Variants in RAI1 observed in about 807,000 individuals in gnomAD.
RAI1 encodes retinoic acid induced 1, also known as retinoic acid-induced protein 1.
A neutral mutation model predicts 123.8 loss-of-function variants in RAI1; 9 were observed. That is an observed-to-expected ratio of 0.07 (90% CI 0.04 to 0.13). The LOEUF is 0.13. Ranked by LOEUF, RAI1 falls within the 10% of genes least tolerant of loss-of-function variation. RAI1 has a pLI of 1.00. For missense variants in RAI1, 2,256 were observed against 2,545.8 expected, an observed-to-expected ratio of 0.89 and a Z score of 2.45; for synonymous variants, 1,231 against 1,127.3, an observed-to-expected ratio of 1.09 and a Z score of -1.84.
chr17:17,721,708 A>G (rs62064082), intron 1 of RAI1, among the ~76,000 whole-genome samples: 23,014 of 152,200 alleles, frequency 0.15, 1,921 homozygotes, highest in East Asian at 0.32. Flanking sequence ...GGTATACACA[A>G]TGCGCATCTC....
rs560444397 is a variant in RAI1, at chr17:17,793,546, C to G, written c.598C>G (p.Pro200Ala). 6.2e-7 allele frequency: 1 copy of G among 1,613,880 alleles called. No individual in the cohort carries two copies. Among genetic ancestry groups the G allele is most frequent in the Admixed American group, 1.7e-5 (1 of 60,010 alleles). ...RQKLQNDIAS[P>A]LPFPQGTHFP... ...GAAGCTGCAGAACGACATTGCCTCC[C>G]CTCTGCCCTTCCCCCAGGGTACCCA... The change falls in exon 3 of 6, where the codon CCT (proline) becomes GCT (alanine). Residue 200 changes from proline to alanine, a missense_variant. By Grantham distance (27) the Pro-to-Ala change is conservative. Around this residue, in one of 7 missense-constraint regions of RAI1, gnomAD observed 336 missense variants for 349.8 expected, o/e 0.96. Transcript: ENST00000353383.
At chr17:17,742,316 A>T (rs1172898732) in intron 2 of RAI1, among the ~76,000 whole-genome samples, 1 of 152,252 alleles carries the variant, frequency 6.6e-6, no homozygotes, top group Non-Finnish European at 1.5e-5. Flanking sequence ...CCCAAGACTC[A>T]CAATAGACAC....
rs2032683353 is a variant in RAI1, at chr17:17,809,807, T to C, written c.5710-163T>C. 6.8e-6 allele frequency among the ~76,000 whole-genome samples: 1 copy of C among 147,828 alleles called. No individual in the cohort carries two copies. The highest frequency in any genetic ancestry group is 1.5e-5 in the Non-Finnish European group (1 of 66,678). On this transcript the variant is annotated intron_variant, in intron 5 of 5. Transcript: ENST00000353383. This position sits in a 1 kb window ranked among gnomAD's most constrained non-coding sequence, Gnocchi z 4.9. ...AAGGTGAAGGTGAAGCTGGACGGGG[T>C]GGGGCCAGAAGGGGTGGTGCCGACG... is the stretch of plus-strand genomic sequence containing the variant.
chr17:17,805,744 A>G (rs1273301424), intron 4 of RAI1, among the ~76,000 whole-genome samples: 2 of 152,122 alleles, frequency 1.3e-5, no homozygotes, highest in East Asian at 3.9e-4. Context: ...GAGGATTCTC[A>G]CTGGCTTCAC....
intron 1 of RAI1, among the ~76,000 whole-genome samples, chr17:17,692,440 A>G: frequency 6.6e-6 from 1 of 152,224 alleles, no homozygotes; most frequent in East Asian, 1.9e-4. Flanking sequence ...GCTAAGTCTT[A>G]TTAACTGCCC....
intron 2 of RAI1, among the ~76,000 whole-genome samples, chr17:17,733,543 A>G (rs553588179): frequency 6.6e-6 from 1 of 152,104 alleles, no homozygotes; most frequent in East Asian, 1.9e-4. Context: ...GGGTGCTTTT[A>G]TTCTCATTTT....
chr17:17,782,934 CGCCGCCGCGTCCCCGCG>C (rs1386099117), intron 2 of RAI1, among the ~76,000 whole-genome samples: 1 of 152,208 alleles, frequency 6.6e-6, no homozygotes, highest in Admixed American at 6.5e-5. Context: ...CGCCCCTTGC[CGCCGCCGCGTCCCCGCG>C]GCAGCCCCGG....
chr17:17,780,713 G>A (rs914673384), intron 2 of RAI1, among the ~76,000 whole-genome samples: 1 of 152,060 alleles, frequency 6.6e-6, no homozygotes, highest in Non-Finnish European at 1.5e-5. Flanking sequence ...AGCCTTTGAG[G>A]GTGCTGCAGT....
intron 1 of RAI1, among the ~76,000 whole-genome samples, chr17:17,687,820 A>G (rs918993821): frequency 6.6e-6 from 1 of 151,886 alleles, no homozygotes; most frequent in Non-Finnish European, 1.5e-5. Flanking sequence ...ACTTGAGGTC[A>G]GGAGTTTGAG....
intron 2 of RAI1, among the ~76,000 whole-genome samples, chr17:17,754,852 G>A (rs72836896): frequency 3.9e-5 from 6 of 152,336 alleles, no homozygotes; most frequent in Admixed American, 6.5e-5. Flanking sequence ...CATAGTAGGT[G>A]CTTGGTAAGC....
chr17:17,763,049 T>TG (rs1179392450), intron 2 of RAI1, among the ~76,000 whole-genome samples: 1 of 109,796 alleles, frequency 9.1e-6, no homozygotes, highest in Non-Finnish European at 2.3e-5. Context: ...GAGGCTTTTC[T>TG]GGAAAAAAAA....
intron 2 of RAI1, among the ~76,000 whole-genome samples, chr17:17,792,316 CGTGT>C (rs141444364): frequency 5.3e-5 from 8 of 150,944 alleles, no homozygotes; most frequent in Admixed American, 1.3e-4. Context: ...TGTGTGCATG[CGTGT>C]GTGTGTGTGT....
intron 1 of RAI1, among the ~76,000 whole-genome samples, chr17:17,720,349 C>A (rs1488497683): frequency 6.6e-6 from 1 of 152,186 alleles, no homozygotes; most frequent in Non-Finnish European, 1.5e-5. Context: ...AGCACCCCTA[C>A]CATCCCAGCG....
chr17:17,687,539 C>T (rs1363212486), intron 1 of RAI1, among the ~76,000 whole-genome samples: 5 of 152,018 alleles, frequency 3.3e-5, no homozygotes, highest in East Asian at 3.9e-4. Context: ...AGCTTGGGTT[C>T]GCCTCCTAGA....
intron 2 of RAI1, among the ~76,000 whole-genome samples, chr17:17,754,368 C>A (rs1259146115): frequency 2.6e-5 from 4 of 152,082 alleles, no homozygotes; most frequent in Non-Finnish European, 4.4e-5. Context: ...TCCCGAGTAG[C>A]TGGGATTACA....
At chr17:17,698,560 A>T (rs1294296788) in intron 1 of RAI1, among the ~76,000 whole-genome samples, 1 of 152,220 alleles carries the variant, frequency 6.6e-6, no homozygotes, top group African/African-American at 2.4e-5. Flanking sequence ...CCTGGGGCAG[A>T]TACCTTTGCA....
rs776159545 is a variant in RAI1, at chr17:17,798,384, G to A, written c.5436G>A (p.Pro1812=). ...AACATGAGTGCAGCAAGGAGGCTCC[G>A]GCAGAGCCCGGCGGGGAGGCCCAGG... ...GRKHECSKEA[P]AEPGGEAQEH... is the part of the protein sequence containing the mutation. Residue 1812 remains proline, a synonymous_variant, in exon 3 of 6, where the codon CCG becomes CCA. Coordinates refer to ENST00000353383, the MANE Select transcript of RAI1 (RefSeq NM_030665.4). 64 of 1,609,554 alleles carry A rather than the reference G, an allele frequency of 4.0e-5. No homozygotes were observed. Among genetic ancestry groups the A allele is most frequent in the East Asian group, 6.7e-5 (3 of 44,790 alleles).
intron 1 of RAI1, among the ~76,000 whole-genome samples, chr17:17,712,268 T>C (rs554235537): frequency 6.6e-6 from 1 of 152,230 alleles, no homozygotes; most frequent in South Asian, 2.1e-4. Context: ...GAGAAGACAG[T>C]GAATAAACAT....
intron 2 of RAI1, among the ~76,000 whole-genome samples, chr17:17,747,143 C>A (rs1406936113): frequency 6.8e-6 from 1 of 146,734 alleles, no homozygotes; most frequent in Non-Finnish European, 1.5e-5. Context: ...AGCCTTCCCA[C>A]CCAGATCAGG....
Sources: gnomAD v4.1 joint callset for allele counts (sites outside exome capture counted in the v4.1 genomes callset) on GRCh38, gnomAD v4.1.1 for gene constraint, gnomAD v4.1.1 regional missense constraint, Gnocchi (gnomAD v3.1) non-coding constraint, MANE v1.5 for transcripts, NCBI Gene and HGNC (gene_info 2026-07-23, HGNC 2026-07-21) for gene names.